MIS18A: variants seen among roughly 807,000 people sequenced by gnomAD.
MIS18A encodes the protein MIS18 kinetochore protein A.
Under a neutral mutation model 25.0 loss-of-function variants are expected in MIS18A, and 14 were observed. The ratio of observed to expected loss-of-function variants is 0.56; its 90% CI spans 0.37 to 0.88. The LOEUF is 0.88. MIS18A is among the 40% of genes least tolerant of loss of function. The pLI, the probability that MIS18A is intolerant of heterozygous loss-of-function variation, is 0.00. For missense variants in MIS18A, 292 were observed against 290.8 expected (o/e 1.00, Z -0.03); for synonymous variants, 134 against 118.6 (o/e 1.13, Z -0.84).
the MIS18A span, among the ~76,000 whole-genome samples, chr21:32,166,739 G>A: frequency 3.1e-4 from 47 of 152,164 alleles, no homozygotes; most frequent in African/African-American, 1.1e-3. Context: ...AAAAGAATTC[G>A]AAATAATTAT....
chr21:32,161,136 G>A, the MIS18A span, among the ~76,000 whole-genome samples: 7 of 152,158 alleles, frequency 4.6e-5, no homozygotes, highest in East Asian at 1.9e-4. Flanking sequence ...CATAATTAAC[G>A]AATTGATAGT....
At chr21:32,219,835 C>G in the MIS18A span, among the ~76,000 whole-genome samples, 3 of 152,182 alleles carry the variant, frequency 2.0e-5, no homozygotes, top group Non-Finnish European at 4.4e-5. Context: ...TGATTTCCCC[C>G]TCACAGTGTA....
chr21:32,155,844 G>T, the MIS18A span, among the ~76,000 whole-genome samples: 1 of 151,812 alleles, frequency 6.6e-6, no homozygotes, highest in Non-Finnish European at 1.5e-5. Context: ...GCAAGAAATC[G>T]ACTGGCCATA....
chr21:32,201,956 A>G, the MIS18A span, among the ~76,000 whole-genome samples: 1 of 152,204 alleles, frequency 6.6e-6, no homozygotes, highest in African/African-American at 2.4e-5. Flanking sequence ...AAGGCCATCA[A>G]AATTAAAGGC....
chr21:32,179,878 C>G, the MIS18A span, among the ~76,000 whole-genome samples: 1 of 152,176 alleles, frequency 6.6e-6, no homozygotes, highest in Non-Finnish European at 1.5e-5. Context: ...ACTCTGCATA[C>G]AATGTTCCAG....
the MIS18A span, among the ~76,000 whole-genome samples, chr21:32,229,951 T>A: frequency 1.3e-5 from 2 of 152,234 alleles, no homozygotes; most frequent in Non-Finnish European, 2.9e-5. Context: ...TTCAACAAAG[T>A]ACAGAGTTTA....
chr21:32,242,025 C>T, the MIS18A span, among the ~76,000 whole-genome samples: 1 of 152,234 alleles, frequency 6.6e-6, no homozygotes, highest in East Asian at 1.9e-4. Flanking sequence ...ACTACAGGCG[C>T]CCGCCACCAC....
the MIS18A span, among the ~76,000 whole-genome samples, chr21:32,259,233 G>A: frequency 6.6e-6 from 1 of 152,098 alleles, no homozygotes; most frequent in Non-Finnish European, 1.5e-5. Context: ...CCAGGGGCTC[G>A]AGGGAAGGGT....
At chr21:32,240,384 T>C in the MIS18A span, among the ~76,000 whole-genome samples, 1 of 152,210 alleles carries the variant, frequency 6.6e-6, no homozygotes, top group Admixed American at 6.5e-5. Flanking sequence ...GAAGATGCCA[T>C]CTAGGAACCA....
downstream of MIS18A, among the ~76,000 whole-genome samples, chr21:32,266,072 C>G: frequency 6.7e-6 from 1 of 150,104 alleles, no homozygotes; most frequent in East Asian, 1.9e-4. Flanking sequence ...ATGTCTAGCT[C>G]AAGGATTGTA....
the MIS18A span, among the ~76,000 whole-genome samples, chr21:32,211,883 C>T: frequency 2.6e-5 from 4 of 152,306 alleles, no homozygotes; most frequent in African/African-American, 9.6e-5. Flanking sequence ...TTTTCAGAGA[C>T]TAAATATCTA....
At chr21:32,171,926 T>C in the MIS18A span, among the ~76,000 whole-genome samples, 3 of 152,074 alleles carry the variant, frequency 2.0e-5, no homozygotes, top group African/African-American at 7.2e-5. Flanking sequence ...CTCCCCTATA[T>C]TGGTCTATGG....
the MIS18A span, among the ~76,000 whole-genome samples, chr21:32,200,140 A>G: frequency 2.0e-5 from 3 of 152,208 alleles, no homozygotes; most frequent in African/African-American, 7.2e-5. Context: ...CTTCTGTCGC[A>G]ACTAGTCAAC....
chr21:32,226,203 C>T, the MIS18A span, among the ~76,000 whole-genome samples: 2 of 142,364 alleles, frequency 1.4e-5, no homozygotes, highest in South Asian at 2.3e-4. Flanking sequence ...GTGGGTGCAG[C>T]ACACCAGCAT....
At chr21:32,195,702 G>A in the MIS18A span, among the ~76,000 whole-genome samples, 1 of 152,242 alleles carries the variant, frequency 6.6e-6, no homozygotes, top group African/African-American at 2.4e-5. Flanking sequence ...AGGAATGGAG[G>A]TGGGAAGCAG....
the MIS18A span, among the ~76,000 whole-genome samples, chr21:32,228,516 A>G: frequency 3.9e-5 from 6 of 152,212 alleles, no homozygotes; most frequent in Admixed American, 3.9e-4. Context: ...CAGGCAAGAA[A>G]GAGAAATAAA....
chr21:32,182,725 C>T, the MIS18A span, among the ~76,000 whole-genome samples: 1 of 152,196 alleles, frequency 6.6e-6, no homozygotes, highest in Non-Finnish European at 1.5e-5. Flanking sequence ...CCAGCTTCAG[C>T]AGAAACCCAC....
downstream of MIS18A, among the ~76,000 whole-genome samples, chr21:32,266,808 G>A (rs971599385): frequency 3.3e-5 from 5 of 152,094 alleles, no homozygotes; most frequent in South Asian, 2.1e-4. Flanking sequence ...CACCAATTCC[G>A]GACACACTGC....
the MIS18A span, among the ~76,000 whole-genome samples, chr21:32,207,256 A>C: frequency 6.6e-6 from 1 of 152,240 alleles, no homozygotes; most frequent in African/African-American, 2.4e-5. Flanking sequence ...ATTGCAGATA[A>C]GCATCTCGTC....
Sources: gnomAD v4.1 joint callset for allele counts (sites outside exome capture counted in the v4.1 genomes callset) on GRCh38, gnomAD v4.1.1 for gene constraint, MANE v1.5 for transcripts, NCBI Gene and HGNC (gene_info 2026-07-23, HGNC 2026-07-21) for gene names.